The following ADGRG1 variants were observed in gnomAD, a reference collection of about 807,000 sequenced individuals.
ADGRG1 encodes adhesion G protein-coupled receptor G1, also known as 7-transmembrane protein with no EGF-like N-terminal domains-1.
ADGRG1 carries 53 observed loss-of-function variants against 73.5 expected under a neutral mutation model. The ratio of observed to expected loss-of-function variants is 0.72; its 90% CI spans 0.58 to 0.91. The LOEUF is 0.91. Ranked by LOEUF, ADGRG1 falls within the 40% of genes least tolerant of loss-of-function variation. The pLI, the probability that ADGRG1 is intolerant of heterozygous loss-of-function variation, is 0.00. For synonymous variants in ADGRG1, 394 were observed against 374.4 expected, an observed-to-expected ratio of 1.05 and a Z score of -0.60; for missense variants, 795 against 871.8, an observed-to-expected ratio of 0.91 and a Z score of 1.11.
chr16:57,657,862 C>T (rs1451647208), intron 10 of ADGRG1, among the ~76,000 whole-genome samples: 1 of 152,026 alleles, frequency 6.6e-6, no homozygotes, highest in East Asian at 1.9e-4. Flanking sequence ...GTGCCTCAGC[C>T]TCCTGAGTAG....
chr16:57,663,247 G>T, intron 13 of ADGRG1: 1 of 878,290 alleles, frequency 1.1e-6, no homozygotes, highest in Non-Finnish European at 1.4e-6. Flanking sequence ...TAGGAAGTTT[G>T]TGACAGTGAG....
chr16:57,629,336 C>A, intron 1 of ADGRG1: 1 of 181,260 alleles, frequency 5.5e-6, no homozygotes, highest in Non-Finnish European at 1.1e-5. Flanking sequence ...GAAACTGAGG[C>A]TCAGAGTGGT....
chr16:57,628,281 T>C, upstream of ADGRG1: 1 of 718,346 alleles, frequency 1.4e-6, no homozygotes, highest in Non-Finnish European at 1.7e-6. Flanking sequence ...CCTGTTGCCG[T>C]GGCAACCCCG....
rs906181049 is a variant in ADGRG1 at position 57,657,410 on chromosome 16, A to C, written c.1205A>C (p.Tyr402Ser). ...SVEVDAVHKH[Y>S]LSLLSYVGCV... ...GAGGTGGACGCCGTGCACAAGCACTACCTGAGCCTCCTCTCCTACGTGGGC... is the reference window on the plus strand; with the variant it reads ...GAGGTGGACGCCGTGCACAAGCACTCCCTGAGCCTCCTCTCCTACGTGGGC... Residue 402 changes from tyrosine (Y) to serine (S), a missense_variant, in exon 10 of 14, where the codon TAC becomes TCC. Tyr to Ser is a moderately radical substitution (Grantham distance 144, BLOSUM62 -2). Coordinates refer to ENST00000562631, the MANE Select transcript of ADGRG1 (RefSeq NM_201525.4). 5 of 1,613,930 alleles carry C rather than the reference A, an allele frequency of 3.1e-6. No homozygotes were observed. Among genetic ancestry groups the C allele is most frequent in the Non-Finnish European group, 4.2e-6 (5 of 1,179,946 alleles).
chr16:57,623,792 T>C (rs1271441433), upstream of ADGRG1: 1 of 985,314 alleles, frequency 1.0e-6, no homozygotes, highest in African/African-American at 1.7e-5. Context: ...ATCATGGGAC[T>C]ATGGGTACCC....
At position 57,633,043 on chromosome 16, in the gene ADGRG1, G is replaced by T. The variant is rs146835816; in HGVS notation, c.-36+4241G>T. On this transcript the variant is annotated intron_variant, in intron 1 of 13. Coordinates refer to ENST00000562631, the MANE Select transcript of ADGRG1 (RefSeq NM_201525.4). ...GGTCTCTGTCCTCCTAGTACCCCCA[G>T]CCTGGATGCTCAAGGCCCATGGGGG... 356 of 764,994 alleles carry T rather than the reference G, an allele frequency of 4.7e-4. 1 individual carries two copies. The African/African-American group carries it at 6.5e-3, about 14-fold the overall frequency. 47.4% of individuals were successfully genotyped at this position (764,994 alleles called of 1,614,324 possible).
At position 57,639,432 on chromosome 16, in the gene ADGRG1, C is replaced by T. The variant is rs1000421403; in HGVS notation, c.-36+10630C>T. The T allele has an allele frequency of 9.2e-5, 91 of 985,432 alleles. 1 individual carries two copies. The African/African-American group carries it at 1.0e-3, about 11-fold the overall frequency. 61.0% of individuals were successfully genotyped at this position (985,432 alleles called of 1,614,324 possible). On this transcript the variant is annotated intron_variant, in intron 1 of 13. Transcript: ENST00000562631. ...GCTGTCACCTGCGCCCCTTCTCCCG[C>T]GCTGGCGGCTGGGGCTTCTCAGCCT...
In ADGRG1 at chr16:57,639,556, CG is replaced by C. The variant is rs2040229766; in HGVS notation, c.-35-10692del. On this transcript the variant is annotated intron_variant, in intron 1 of 13. Coordinates refer to ENST00000562631, the MANE Select transcript of ADGRG1 (RefSeq NM_201525.4). ...CTCTGTCCTCTTGAAAAAAGGTGGT[CG>C]GGGGACATTGACCCACCAGCCCCGC... 6.1e-6 allele frequency: 6 copies of C among 985,152 alleles called. No individual in the cohort carries two copies. In the South Asian group the frequency reaches 2.8e-4, roughly 46 times the overall value. The allele number at this position is 985,152 out of a possible 1,614,324, so 61.0% of individuals were successfully genotyped here.
rs142015112 is a variant in ADGRG1 at position 57,656,523 on chromosome 16, C to G, written c.1073C>G (p.Pro358Arg). The G allele has an allele frequency of 1.5e-5, 24 of 1,612,796 alleles. No individual in the cohort carries two copies. Among genetic ancestry groups the G allele is most frequent in the Non-Finnish European group, 2.0e-5 (23 of 1,178,908 alleles). The change falls in exon 9 of 14, where the codon CCG (proline) becomes CGG (arginine). Residue 358 changes from proline (P) to arginine (R), a missense_variant. Transcript: ENST00000562631. ...FWVEDPTLSS[P>R]GHWSSAGCET... ...GCTGTCCCCTCCTCAGTGAGCAGCC[C>G]GGGGCATTGGAGCAGTGCTGGGTGT...
intron 1 of ADGRG1, chr16:57,644,253 C>G: frequency 2.2e-6 from 2 of 903,178 alleles, no homozygotes; most frequent in African/African-American, 3.6e-5. Context: ...CACACACATG[C>G]ACAGTCATGC....
At chr16:57,658,226 G>A (rs1360071882) in intron 10 of ADGRG1, among the ~76,000 whole-genome samples, 3 of 152,190 alleles carry the variant, frequency 2.0e-5, no homozygotes, top group South Asian at 2.1e-4. Flanking sequence ...CATACTTAAC[G>A]TGTGTCAAAC....
chr16:57,660,596 T>C (rs1421458389), intron 11 of ADGRG1, 172 bp from the exon 12 acceptor site: 3 of 915,324 alleles, frequency 3.3e-6, no homozygotes, highest in Admixed American at 1.2e-4. Flanking sequence ...CATACTGGAA[T>C]GGGGAGGGGG....
At chr16:57,624,062 T>C (rs987843729), upstream of ADGRG1, 23 of 343,836 alleles carry the variant, frequency 6.7e-5, no homozygotes, top group African/African-American at 5.1e-4. Context: ...TTGGCATTCA[T>C]GTGGACTTTA....
chr16:57,660,934 G>C lies in ADGRG1; in HGVS notation c.1664+58G>C, dbSNP rs1172433406. 3 of 1,028,116 alleles carry C rather than the reference G, an allele frequency of 2.9e-6. No individual in the cohort carries two copies. In the African/African-American group the frequency reaches 4.7e-5, roughly 16 times the overall value. The allele number at this position is 1,028,116 out of a possible 1,614,324, so 63.7% of individuals were successfully genotyped here. On this transcript the variant is annotated intron_variant, in intron 12 of 13. Transcript: ENST00000562631. ...TGGGTCTCTGGGCACAGAGGCCAGAGTGCAGCCCGGGCCCAGGTCATGCTG... is the reference window on the plus strand; with the variant it reads ...TGGGTCTCTGGGCACAGAGGCCAGACTGCAGCCCGGGCCCAGGTCATGCTG...
chr16:57,641,164 C>T, intron 1 of ADGRG1: 2 of 796,212 alleles, frequency 2.5e-6, no homozygotes, highest in Non-Finnish European at 3.0e-6. Flanking sequence ...CAGAGTTGCC[C>T]ACTTGACAGA....
intron 1 of ADGRG1, among the ~76,000 whole-genome samples, chr16:57,644,672 A>G (rs1291428485): frequency 7.7e-6 from 1 of 129,298 alleles, no homozygotes; most frequent in African/African-American, 3.0e-5. Flanking sequence ...CACACTCCTC[A>G]CACACTCATG....
At chr16:57,658,879 C>T in intron 10 of ADGRG1, 1 of 844,346 alleles carries the variant, frequency 1.2e-6, no homozygotes, top group Non-Finnish European at 1.4e-6. Context: ...CAGGGTGGGA[C>T]TCCAGGATGG....
At chr16:57,630,063 C>T (rs1210580878) in intron 1 of ADGRG1, 69 of 956,218 alleles carry the variant, frequency 7.2e-5, no homozygotes, top group Non-Finnish European at 8.2e-5. Flanking sequence ...TTTATAGAAG[C>T]ATTTATTGAG....
intron 5 of ADGRG1, chr16:57,654,973 G>A: frequency 2.6e-6 from 2 of 755,832 alleles, no homozygotes; most frequent in Non-Finnish European, 1.6e-6. Context: ...TCTCGCCCTG[G>A]CCTCTCAAAG....
Sources: gnomAD v4.1 joint callset for allele counts (sites outside exome capture counted in the v4.1 genomes callset) on GRCh38, gnomAD v4.1.1 for gene constraint, MANE v1.5 for transcripts, NCBI Gene and HGNC (gene_info 2026-07-23, HGNC 2026-07-21) for gene names.